Variants in HMSD observed in about 807,000 individuals in gnomAD.
HMSD encodes serpin-like protein HMSD.
A neutral mutation model predicts 10.0 loss-of-function variants in HMSD; 13 were observed. The observed-to-expected ratio is 1.31, with a 90% CI of 0.85 to 2.08. The LOEUF (loss-of-function observed/expected upper bound fraction) is 2.08. Ranked by LOEUF, HMSD falls within the 30% of genes most tolerant of loss-of-function variation. HMSD has a pLI of 0.00. For missense variants in HMSD, 169 were observed against 166.3 expected (o/e 1.02, Z -0.09); for synonymous variants, 51 against 54.2 (o/e 0.94, Z 0.26).
chr18:63,963,077 C>CTTTA (rs1362877005), downstream of HMSD, among the ~76,000 whole-genome samples: 1 of 31,674 alleles, frequency 3.2e-5, no homozygotes, highest in East Asian at 1.1e-3. Flanking sequence ...CTTTCTCTTT[C>CTTTA]TTTCTTTCTT....
chr18:63,950,424 A>G (rs1458164325), intron 1 of HMSD, among the ~76,000 whole-genome samples: 1 of 143,672 alleles, frequency 7.0e-6, no homozygotes, highest in Non-Finnish European at 1.5e-5. Context: ...TCAAAAAAAA[A>G]AAAAAAAAAA....
chr18:63,963,972 G>T (rs968478106), downstream of HMSD, among the ~76,000 whole-genome samples: 1 of 152,162 alleles, frequency 6.6e-6, no homozygotes, highest in Admixed American at 6.5e-5. Flanking sequence ...TCCACACAAT[G>T]GCCATTTCTG....
At chr18:63,953,615 C>G in intron 2 of HMSD, 88 bp downstream of exon 2, 1 of 1,080,044 alleles carries the variant, frequency 9.3e-7, no homozygotes, top group Admixed American at 1.9e-5. Context: ...GAAGAAATTC[C>G]TCCTTTAACA....
At chr18:63,963,081 CTTTCTTTCTTTCTTTCTTTCTT>C (rs2050394110), downstream of HMSD, among the ~76,000 whole-genome samples, 50 of 78,570 alleles carry the variant, frequency 6.4e-4, 3 homozygotes, top group African/African-American at 2.3e-3. Context: ...CTCTTTCTTT[CTTTCTTTCTTTCTTTCTTTCTT>C]TCTTTCTTTC....
rs530514336 is a variant in HMSD, at chr18:63,951,331, A to G, written c.-103+1931A>G. Among the ~76,000 whole-genome samples, 6 of 152,362 alleles carry G rather than the reference A, an allele frequency of 3.9e-5. No individual in the cohort carries two copies. The East Asian group carries it at 1.2e-3, about 29-fold the overall frequency. On this transcript the variant is annotated intron_variant, in intron 1 of 3. Transcript: ENST00000408945. Reference sequence around the variant, plus strand: ...AATTTGTTTACCAAATTAACAAGAAATTAATTGATCATTGACTAAATAAGG... The same window carrying G: ...AATTTGTTTACCAAATTAACAAGAAGTTAATTGATCATTGACTAAATAAGG...
Position 63,953,419 on chromosome 18 carries a change from T to A in HMSD, c.-37T>A. 1.3e-6 allele frequency: 2 copies of A among 1,561,602 alleles called. No homozygotes were observed. The highest frequency in any genetic ancestry group is 4.5e-5 in the East Asian group (2 of 44,494). ...TTTGCATTAAACCTTTTGAAAAAGC[T>A]AGGGGAAAACAACTCAAACAACTTA... On this transcript the variant is annotated 5_prime_UTR_variant, in exon 2 of 4. Transcript: ENST00000408945.
chr18:63,960,035 A>T (rs754190361), intron 3 of HMSD, 123 bp from the exon 4 acceptor site: 1 of 994,520 alleles, frequency 1.0e-6, no homozygotes, highest in Admixed American at 2.9e-5. Flanking sequence ...CCTCATCTTT[A>T]TTTGCAAATT....
At chr18:63,954,721 A>G (rs1018304474) in intron 3 of HMSD, among the ~76,000 whole-genome samples, 164 bp downstream of exon 3, 3 of 152,248 alleles carry the variant, frequency 2.0e-5, no homozygotes, top group Non-Finnish European at 2.9e-5. Flanking sequence ...AGCACAGGCT[A>G]TATAGCAAAT....
intron 1 of HMSD, among the ~76,000 whole-genome samples, chr18:63,949,690 T>G (rs1480699551): frequency 6.6e-6 from 1 of 152,078 alleles, no homozygotes; most frequent in African/African-American, 2.4e-5. Context: ...CTGCCTGGGC[T>G]CCACTCATCC....
At chr18:63,950,641 T>TC (rs1599106043) in intron 1 of HMSD, among the ~76,000 whole-genome samples, 1 of 151,734 alleles carries the variant, frequency 6.6e-6, no homozygotes, top group Non-Finnish European at 1.5e-5. Context: ...TGGATAGAAC[T>TC]CTGTGTTACG....
chr18:63,953,281 T>G, intron 1 of HMSD, 73 bp from the exon 2 acceptor site: 1 of 558,576 alleles, frequency 1.8e-6, no homozygotes, highest in Non-Finnish European at 3.2e-6. Flanking sequence ...TAACTAGTAA[T>G]AAATAGAGTG....
chr18:63,965,496 A>G (rs78942047), downstream of HMSD, among the ~76,000 whole-genome samples: 33 of 152,236 alleles, frequency 2.2e-4, no homozygotes, highest in Non-Finnish European at 4.7e-4. Context: ...TTCACTAATG[A>G]GGGACTAATG....
At chr18:63,954,661 C>T in intron 3 of HMSD, 104 bp downstream of exon 3, 1 of 923,042 alleles carries the variant, frequency 1.1e-6, no homozygotes, top group Non-Finnish European at 1.7e-6. Context: ...GAACTCAGAA[C>T]TCCACGCACG....
chr18:63,949,929 A>C (rs1180657863), intron 1 of HMSD, among the ~76,000 whole-genome samples: 1 of 152,230 alleles, frequency 6.6e-6, no homozygotes, highest in Admixed American at 6.5e-5. Flanking sequence ...GGACTGGAAA[A>C]AAATCAAAAT....
At position 63,953,358 on chromosome 18, in the gene HMSD, A is replaced by G. The variant is rs1460058528; in HGVS notation, c.-98A>G. 8 of 812,348 alleles carry G rather than the reference A, an allele frequency of 9.8e-6. No homozygotes were observed. The highest frequency in any genetic ancestry group is 1.7e-5 in the African/African-American group (1 of 58,572). The allele number at this position is 812,348 out of a possible 1,614,324, so 50.3% of individuals were successfully genotyped here. ...TTTAAAAATCCATTGTTTCAGGCTC[A>G]CCGTCATGGATGCTCTATCAGAAGC... On this transcript the variant is annotated 5_prime_UTR_variant, in exon 2 of 4. Transcript: ENST00000408945.
At chr18:63,967,493 C>T (rs990368664) in intron 3 of HMSD, among the ~76,000 whole-genome samples, 3 of 152,152 alleles carry the variant, frequency 2.0e-5, no homozygotes, top group Non-Finnish European at 1.5e-5. Flanking sequence ...ACAGAGACCT[C>T]GAATCACCCC....
At chr18:63,957,405 T>A (rs983884116) in intron 3 of HMSD, among the ~76,000 whole-genome samples, 7 of 152,176 alleles carry the variant, frequency 4.6e-5, no homozygotes, top group African/African-American at 1.7e-4. Flanking sequence ...TATTTACATA[T>A]CCTCTTACAC....
At chr18:63,965,818 G>A (rs1290372130), downstream of HMSD, among the ~76,000 whole-genome samples, 1 of 152,156 alleles carries the variant, frequency 6.6e-6, no homozygotes, top group East Asian at 1.9e-4. Context: ...AAGAGGTATG[G>A]CACTGGCATC....
chr18:63,952,923 A>G (rs1334116917), intron 1 of HMSD, among the ~76,000 whole-genome samples: 1 of 152,258 alleles, frequency 6.6e-6, no homozygotes, highest in Non-Finnish European at 1.5e-5. Flanking sequence ...TTTTACCAGT[A>G]TTGGAAATCA....
Sources: gnomAD v4.1 joint callset for allele counts (sites outside exome capture counted in the v4.1 genomes callset) on GRCh38, gnomAD v4.1.1 for gene constraint, MANE v1.5 for transcripts, NCBI Gene and HGNC (gene_info 2026-07-23, HGNC 2026-07-21) for gene names.